The following METTL15 variants were observed in gnomAD, a reference collection of about 807,000 sequenced individuals.
The protein encoded by METTL15 is 12S rRNA N(4)-cytidine methyltransferase METTL15.
In METTL15, 34 loss-of-function variants were observed where a neutral mutation model predicts 38.3. That is an observed-to-expected ratio of 0.89 (90% CI 0.68 to 1.18). The LOEUF is 1.18. Ranked by LOEUF, METTL15 falls within the 50% of genes most tolerant of loss-of-function variation. METTL15 has a pLI of 0.00. For missense variants in METTL15, 438 were observed against 498.4 expected (o/e 0.88, Z 1.15); for synonymous variants, 162 against 170.9 (o/e 0.95, Z 0.41).
At chr11:28,323,051 C>CAAGAGGCA in intron 6 of METTL15, among the ~76,000 whole-genome samples, 2 of 152,064 alleles carry the variant, frequency 1.3e-5, no homozygotes, top group African/African-American at 4.8e-5. Flanking sequence ...TGCACATATA[C>CAAGAGGCA]ACCTATATGT....
intron 4 of METTL15, among the ~76,000 whole-genome samples, chr11:28,289,879 A>C (rs540572113): frequency 2.6e-5 from 4 of 152,212 alleles, no homozygotes; most frequent in South Asian, 4.1e-4. Context: ...CTCTACCCAG[A>C]GATTTAAGAA....
intron 4 of METTL15, among the ~76,000 whole-genome samples, chr11:28,220,071 T>G (rs1461264298): frequency 6.6e-6 from 1 of 152,226 alleles, no homozygotes; most frequent in African/African-American, 2.4e-5. Flanking sequence ...TAGATGTCTG[T>G]TAGGTCCGCT....
At chr11:28,197,452 G>C (rs1851951210) in intron 3 of METTL15, 1 of 399,354 alleles carries the variant, frequency 2.5e-6, no homozygotes, top group Non-Finnish European at 5.3e-6. Context: ...TTTTGTTCAT[G>C]TGTATTGTCT....
rs11030322 is a variant in METTL15, at chr11:28,397,317, G to A, written c.*359-26982G>A. On this transcript the variant is annotated intron_variant and NMD_transcript_variant, in intron 5 of 7. Coordinates refer to the METTL15 transcript ENST00000532947. ...GAGTGAACAGGCAACCTACAGAATG[G>A]GAGAAAATTTTTGCAATCTACTCAT... Among the ~76,000 whole-genome samples the A allele has an allele frequency of 9.2e-3, 1,389 of 151,758 alleles. 19 individuals carry two copies. Among genetic ancestry groups the A allele is most frequent in the African/African-American group, 0.032 (1,312 of 41,428 alleles).
At chr11:28,433,075 A>G (rs920906982) in intron 6 of METTL15, among the ~76,000 whole-genome samples, 1 of 151,858 alleles carries the variant, frequency 6.6e-6, no homozygotes, top group African/African-American at 2.4e-5. Flanking sequence ...TCCTGAACAC[A>G]TTGAGGAACT....
chr11:28,290,294 G>A lies in METTL15; in HGVS notation c.496G>A (p.Val166Ile). The change falls in exon 5 of 7, where the codon GTT becomes ATT. Residue 166 changes from valine to isoleucine, a missense_variant. Transcript: ENST00000407364. The part of the protein sequence containing the change: ...AGVQPGTFDG[V>I]LMDLGCSSMQ... Reference sequence around the variant, plus strand: ...AGTGCAGCCAGGAACTTTTGATGGAGTTCTTATGGATCTTGGGTGTTCCTC... The same window carrying A: ...AGTGCAGCCAGGAACTTTTGATGGAATTCTTATGGATCTTGGGTGTTCCTC... The A allele has an allele frequency of 6.2e-7, 1 of 1,613,538 alleles. No homozygotes were observed. Among genetic ancestry groups the A allele is most frequent in the Non-Finnish European group, 8.5e-7 (1 of 1,179,692 alleles).
In METTL15 at chr11:28,330,761, G is replaced by A. The variant is rs540205919; in HGVS notation, c.1144G>A (p.Val382Ile). 2.0e-4 allele frequency: 305 copies of A among 1,551,660 alleles called. No individual in the cohort carries two copies. The highest frequency in any genetic ancestry group is 2.5e-4 in the Non-Finnish European group (291 of 1,146,876). The change falls in exon 7 of 7, where the codon GTA (valine) becomes ATA (isoleucine). Residue 382 changes from valine to isoleucine, a missense_variant. Coordinates refer to ENST00000407364, the MANE Select transcript of METTL15 (RefSeq NM_001113528.2). Reference sequence around the variant, plus strand: ...AATGTGGGAATTGATACACAAGAAGGTACTTAGTCCACAAGATCAGGATGT... The same window carrying A: ...AATGTGGGAATTGATACACAAGAAGATACTTAGTCCACAAGATCAGGATGT... The part of the protein sequence containing the change: ...PLMWELIHKK[V>I]LSPQDQDVQD...
intron 6 of METTL15, among the ~76,000 whole-genome samples, chr11:28,424,573 C>A (rs979031210): frequency 3.9e-5 from 6 of 152,132 alleles, no homozygotes; most frequent in African/African-American, 1.4e-4. Context: ...CTGTTTGGTT[C>A]TTGTCAGTTA....
chr11:28,159,170 T>C (rs1850365091), intron 3 of METTL15, among the ~76,000 whole-genome samples: 1 of 152,130 alleles, frequency 6.6e-6, no homozygotes, highest in African/African-American at 2.4e-5. Flanking sequence ...CTGGACACTT[T>C]GGGTTCCTCC....
At chr11:28,427,732 C>G (rs1850877988) in intron 6 of METTL15, among the ~76,000 whole-genome samples, 1 of 152,126 alleles carries the variant, frequency 6.6e-6, no homozygotes, top group Non-Finnish European at 1.5e-5. Flanking sequence ...TGGCTGTCAG[C>G]TTGCCTGTTG....
chr11:28,371,167 GTT>G (rs1483521232), intron 5 of METTL15, among the ~76,000 whole-genome samples: 1 of 151,824 alleles, frequency 6.6e-6, no homozygotes, highest in Non-Finnish European at 1.5e-5. Context: ...TCTTCTAATG[GTT>G]TCATAGTTGT....
At chr11:28,520,322 A>C (rs552645165) in intron 6 of METTL15, among the ~76,000 whole-genome samples, 110 of 152,276 alleles carry the variant, frequency 7.2e-4, no homozygotes, top group African/African-American at 2.5e-3. Flanking sequence ...CCTGAGCAAC[A>C]GAATGAGATC....
At chr11:28,430,773 G>A in intron 6 of METTL15, among the ~76,000 whole-genome samples, 1 of 106,584 alleles carries the variant, frequency 9.4e-6, no homozygotes, top group South Asian at 3.7e-4. Flanking sequence ...GGGAGGTGAG[G>A]GGCGCCTCTG....
At chr11:28,135,140 G>T (rs948584981) in intron 3 of METTL15, among the ~76,000 whole-genome samples, 55 of 152,146 alleles carry the variant, frequency 3.6e-4, no homozygotes, top group Non-Finnish European at 5.9e-5. Flanking sequence ...TTAATAACAG[G>T]TATATGATAA....
chr11:28,447,555 T>G lies in METTL15; in HGVS notation c.*424+23191T>G, dbSNP rs561387411. On this transcript the variant is annotated intron_variant and NMD_transcript_variant, in intron 6 of 7. Transcript: ENST00000532947. ...ACAGTTTAGTGGGTTTTTCTTTTTT[T>G]TGTGCCACAGAAACCAATGGCTGAA... Among the ~76,000 whole-genome samples, 7 of 152,308 alleles carry G rather than the reference T, an allele frequency of 4.6e-5. No individual in the cohort carries two copies. In the East Asian group the frequency reaches 1.2e-3, roughly 25 times the overall value.
chr11:28,383,894 C>G (rs910389315), intron 5 of METTL15, among the ~76,000 whole-genome samples: 2 of 151,958 alleles, frequency 1.3e-5, no homozygotes, highest in Non-Finnish European at 2.9e-5. Context: ...ATTGGTTGTA[C>G]AGATTATTTT....
At chr11:28,112,406 G>A (rs1007366654) in intron 2 of METTL15, among the ~76,000 whole-genome samples, 4 of 152,180 alleles carry the variant, frequency 2.6e-5, no homozygotes, top group African/African-American at 9.7e-5. Context: ...AAAGAATAGT[G>A]TTAACTGGGT....
At chr11:28,518,520 A>C (rs1469790523) in intron 6 of METTL15, among the ~76,000 whole-genome samples, 1 of 152,198 alleles carries the variant, frequency 6.6e-6, no homozygotes, top group Non-Finnish European at 1.5e-5. Context: ...TATAAGCATA[A>C]TTTGATAATT....
intron 4 of METTL15, among the ~76,000 whole-genome samples, chr11:28,221,940 G>A (rs1268226294): frequency 2.0e-5 from 3 of 152,140 alleles, no homozygotes; most frequent in Admixed American, 6.5e-5. Context: ...GTACCTGGCC[G>A]TGTGAGGTGT....
Sources: allele counts gnomAD v4.1 joint callset (sites outside exome capture counted in the v4.1 genomes callset), GRCh38; gene constraint gnomAD v4.1.1; transcripts MANE v1.5; gene names NCBI Gene and HGNC (gene_info 2026-07-23, HGNC 2026-07-21).